The following CNTNAP2 variants were observed in gnomAD, a reference collection of about 807,000 sequenced individuals.
The protein encoded by CNTNAP2 is contactin associated protein 2.
A neutral mutation model predicts 155.2 loss-of-function variants in CNTNAP2; 98 were observed. The ratio of observed to expected loss-of-function variants is 0.63; its 90% CI spans 0.54 to 0.75. The LOEUF is 0.75. CNTNAP2 is among the 30% of genes least tolerant of loss of function. The pLI, the probability that CNTNAP2 is intolerant of heterozygous loss-of-function variation, is 0.00. For synonymous variants in CNTNAP2, 651 were observed against 631.2 expected (o/e 1.03, Z -0.47); for missense variants, 1,727 against 1,688.1 (o/e 1.02, Z -0.40).
At chr7:146,932,591 A>G (rs907886177) in intron 3 of CNTNAP2, among the ~76,000 whole-genome samples, 3 of 152,152 alleles carry the variant, frequency 2.0e-5, no homozygotes, top group Admixed American at 6.6e-5. Flanking sequence ...GGCCAGGGCA[A>G]TTAGGCAGGA....
chr7:146,418,365 A>C (rs553157413), intron 1 of CNTNAP2, among the ~76,000 whole-genome samples: 13 of 152,144 alleles, frequency 8.5e-5, no homozygotes, highest in Non-Finnish European at 1.6e-4. Context: ...ATAATTTTTA[A>C]ATTATGAAAT....
chr7:148,156,306 T>A (rs920433913), intron 17 of CNTNAP2, among the ~76,000 whole-genome samples: 3 of 152,198 alleles, frequency 2.0e-5, no homozygotes, highest in Admixed American at 1.3e-4. Context: ...TCAGCATGGA[T>A]CTCTAAGTCT....
At chr7:147,937,654 T>C (rs903281238) in intron 14 of CNTNAP2, among the ~76,000 whole-genome samples, 1 of 152,158 alleles carries the variant, frequency 6.6e-6, no homozygotes, top group Non-Finnish European at 1.5e-5. Context: ...TCCACCCCCA[T>C]GTTTCAGATC....
At chr7:146,828,482 A>G (rs1349271435) in intron 2 of CNTNAP2, among the ~76,000 whole-genome samples, 2 of 152,098 alleles carry the variant, frequency 1.3e-5, no homozygotes, top group African/African-American at 4.8e-5. Context: ...TCATTTGAAT[A>G]TCTCCAGTAG....
At chr7:147,560,760 C>T (rs189919163) in intron 11 of CNTNAP2, among the ~76,000 whole-genome samples, 1 of 150,156 alleles carries the variant, frequency 6.7e-6, no homozygotes, top group African/African-American at 2.5e-5. Flanking sequence ...GGGAGGGAGG[C>T]ATGGAAGAAG....
Position 147,383,808 on chromosome 7 carries a change from AT to A in CNTNAP2, c.1499-11799del, listed in dbSNP as rs572194777. On this transcript the variant is annotated intron_variant, in intron 9 of 23. Coordinates refer to ENST00000361727, the MANE Select transcript of CNTNAP2 (RefSeq NM_014141.6). ...AAAAAATAAAAATCGTTTATGAATC[AT>A]TGATTCATAAAATGAATATACTAGA... is the stretch of plus-strand genomic sequence containing the variant. 1.1e-3 allele frequency among the ~76,000 whole-genome samples: 170 copies of A among 152,228 alleles called. 1 individual carries two copies. Among genetic ancestry groups the A allele is most frequent in the African/African-American group, 3.9e-3 (162 of 41,548 alleles).
At chr7:146,760,350 C>G (rs1388794816) in intron 1 of CNTNAP2, among the ~76,000 whole-genome samples, 1 of 143,238 alleles carries the variant, frequency 7.0e-6, no homozygotes, top group Non-Finnish European at 1.5e-5. Context: ...TCACCACTTT[C>G]TTCTCTTGTC....
intron 18 of CNTNAP2, among the ~76,000 whole-genome samples, chr7:148,194,466 G>A (rs894660431): frequency 5.9e-5 from 9 of 152,090 alleles, no homozygotes; most frequent in Non-Finnish European, 7.3e-5. Flanking sequence ...AGCGATATTA[G>A]TCAAGGTTCC....
chr7:146,143,733 CTTACT>C (rs1797914197), intron 1 of CNTNAP2, among the ~76,000 whole-genome samples: 2 of 151,884 alleles, frequency 1.3e-5, no homozygotes, highest in African/African-American at 4.8e-5. Context: ...TTACAGTCTT[CTTACT>C]TTAGAGTATC....
In CNTNAP2 at chr7:146,669,059, A is replaced by C. The variant is rs1047169190; in HGVS notation, c.98-105212A>C. Among the ~76,000 whole-genome samples the C allele has an allele frequency of 3.9e-5, 6 of 152,304 alleles. No individual in the cohort carries two copies. In the East Asian group the frequency reaches 1.2e-3, roughly 29 times the overall value. On this transcript the variant is annotated intron_variant, in intron 1 of 23. Transcript: ENST00000361727. ...TAAATATCAAATAAATGGATACAATAATACTTTCCTGATAATATATTTTGA... is the reference window on the plus strand; with the variant it reads ...TAAATATCAAATAAATGGATACAATCATACTTTCCTGATAATATATTTTGA...
intron 16 of CNTNAP2, among the ~76,000 whole-genome samples, chr7:148,144,668 T>C (rs1276213800): frequency 1.3e-5 from 2 of 152,208 alleles, no homozygotes; most frequent in African/African-American, 4.8e-5. Context: ...GGCACAGTGT[T>C]CTTTCCAATG....
At chr7:147,443,448 G>A (rs1180316552) in intron 10 of CNTNAP2, among the ~76,000 whole-genome samples, 3 of 152,178 alleles carry the variant, frequency 2.0e-5, no homozygotes, top group Admixed American at 1.3e-4. Flanking sequence ...GAATAGGCAA[G>A]TAAGGACTAT....
At chr7:146,146,846 C>G (rs183005529) in intron 1 of CNTNAP2, among the ~76,000 whole-genome samples, 63 of 152,140 alleles carry the variant, frequency 4.1e-4, no homozygotes, top group Admixed American at 1.4e-3. Flanking sequence ...CTGTAGAGTT[C>G]TTTTTTCAGA....
intron 9 of CNTNAP2, among the ~76,000 whole-genome samples, chr7:147,313,911 C>T (rs1392835225): frequency 2.0e-5 from 3 of 150,724 alleles, no homozygotes; most frequent in African/African-American, 7.3e-5. Flanking sequence ...AATGTTCTTC[C>T]ATTTGTTTGT....
At chr7:146,420,239 T>C (rs1421896055) in intron 1 of CNTNAP2, among the ~76,000 whole-genome samples, 1 of 152,092 alleles carries the variant, frequency 6.6e-6, no homozygotes, top group African/African-American at 2.4e-5. Context: ...GCAATTTGAC[T>C]AGAGCTCATC....
At chr7:148,402,461 GC>G (rs1799608845) in intron 22 of CNTNAP2, among the ~76,000 whole-genome samples, 1 of 152,184 alleles carries the variant, frequency 6.6e-6, no homozygotes. Context: ...AATGTGATTA[GC>G]AGGGATCCTC....
chr7:147,352,913 C>T (rs145916304), intron 9 of CNTNAP2, among the ~76,000 whole-genome samples: 1 of 151,770 alleles, frequency 6.6e-6, no homozygotes, highest in South Asian at 2.1e-4. Context: ...GAATCTGATA[C>T]TTAAACTTTA....
chr7:146,556,307 T>G (rs921793253), intron 1 of CNTNAP2, among the ~76,000 whole-genome samples: 17 of 152,148 alleles, frequency 1.1e-4, no homozygotes, highest in Admixed American at 9.8e-4. Flanking sequence ...CAGACAGACA[T>G]GGTCTTGGCT....
At chr7:146,323,133 G>A (rs1801035279) in intron 1 of CNTNAP2, among the ~76,000 whole-genome samples, 1 of 152,094 alleles carries the variant, frequency 6.6e-6, no homozygotes, top group Non-Finnish European at 1.5e-5. Flanking sequence ...CTTTTCATGG[G>A]AACTGGAAGG....
Sources: gnomAD v4.1 joint callset for allele counts (sites outside exome capture counted in the v4.1 genomes callset) on GRCh38, gnomAD v4.1.1 for gene constraint, MANE v1.5 for transcripts, NCBI Gene and HGNC (gene_info 2026-07-23, HGNC 2026-07-21) for gene names.